The following TTC27 variants were observed in gnomAD, a reference collection of about 807,000 sequenced individuals.
TTC27 encodes the protein tetratricopeptide repeat domain 27.
In TTC27, 79 loss-of-function variants were observed where a neutral mutation model predicts 115.9. The ratio of observed to expected loss-of-function variants is 0.68; its 90% CI spans 0.57 to 0.82. TTC27 has a LOEUF of 0.82. Ranked by LOEUF, TTC27 falls within the 40% of genes least tolerant of loss-of-function variation. The pLI is 0.00. For missense variants in TTC27, 1,054 were observed against 993.1 expected, an observed-to-expected ratio of 1.06 and a Z score of -0.82; for synonymous variants, 401 against 356.0, an observed-to-expected ratio of 1.13 and a Z score of -1.42.
At chr2:32,716,391 C>T (rs1383537262) in intron 10 of TTC27, among the ~76,000 whole-genome samples, 1 of 152,158 alleles carries the variant, frequency 6.6e-6, no homozygotes, top group African/African-American at 2.4e-5. Context: ...TTAGTTCACT[C>T]AGGAGGATTT....
chr2:32,697,934 A>G (rs1275319191), intron 9 of TTC27, among the ~76,000 whole-genome samples: 1 of 151,842 alleles, frequency 6.6e-6, no homozygotes, highest in Non-Finnish European at 1.5e-5. Context: ...GTTATTTTTA[A>G]TAGAGATGGG....
intron 4 of TTC27, among the ~76,000 whole-genome samples, chr2:32,642,770 C>T (rs1472730510): frequency 1.3e-5 from 2 of 151,128 alleles, no homozygotes; most frequent in Non-Finnish European, 3.0e-5. Context: ...TGGGCTGAAG[C>T]CATCCTCCCA....
At chr2:32,744,504 A>G (rs536898215) in intron 12 of TTC27, among the ~76,000 whole-genome samples, 1 of 152,332 alleles carries the variant, frequency 6.6e-6, no homozygotes, top group African/African-American at 2.4e-5. Context: ...GAAAATATTA[A>G]TGTTCCTAGA....
chr2:32,769,302 A>G (rs117236110), intron 13 of TTC27, among the ~76,000 whole-genome samples: 2 of 152,344 alleles, frequency 1.3e-5, no homozygotes, highest in Non-Finnish European at 2.9e-5. Flanking sequence ...GTTATGTCAC[A>G]TGTAGTGATA....
In TTC27 at chr2:32,817,485, C is replaced by T. The variant is rs955107403; in HGVS notation, c.2337C>T (p.Ser779=). ...CCATAAAATGCAGTAAAAACAAATCCAGTTCCCAAGAAGCTGTACAAATGC... is the reference window on the plus strand; with the variant it reads ...CCATAAAATGCAGTAAAAACAAATCTAGTTCCCAAGAAGCTGTACAAATGC... ...HVAIKCSKNK[S]SSQEAVQMLS... Residue 779 remains serine (S), a synonymous_variant, in exon 19 of 20, where the codon TCC becomes TCT. Coordinates refer to ENST00000317907, the MANE Select transcript of TTC27 (RefSeq NM_017735.5). The T allele has an allele frequency of 4.3e-6, 7 of 1,613,846 alleles. No homozygotes were observed. In the South Asian group the frequency reaches 5.5e-5, roughly 13 times the overall value.
rs116329103 is a variant in TTC27 at position 32,698,392 on chromosome 2, G to A, written c.1120-4415G>A. The stretch of plus-strand genomic sequence containing the variant: ...AGTGATTCTCCCACTTCAGCCTCCC[G>A]AAGTGCTGGGATTACAGTTAAGCCA... On this transcript the variant is annotated intron_variant, in intron 9 of 19. Transcript: ENST00000317907. Among the ~76,000 whole-genome samples the A allele has an allele frequency of 4.3e-3, 649 of 150,582 alleles. 3 individuals are homozygous for A. Among genetic ancestry groups the A allele is most frequent in the African/African-American group, 0.014 (581 of 41,138 alleles).
chr2:32,771,463 T>C lies in TTC27; in HGVS notation c.1681-6419T>C, dbSNP rs17012241. Among the ~76,000 whole-genome samples, 1,093 of 152,298 alleles carry C rather than the reference T, an allele frequency of 7.2e-3. 15 individuals are homozygous for C. Among genetic ancestry groups the C allele is most frequent in the African/African-American group, 0.025 (1,048 of 41,576 alleles). Reference sequence around the variant, plus strand: ...ATTATTTGAAAAGACTCAGCAAATATAAAGACCAGTGGTAACCAAATCTAG... The same window carrying C: ...ATTATTTGAAAAGACTCAGCAAATACAAAGACCAGTGGTAACCAAATCTAG... On this transcript the variant is annotated intron_variant, in intron 13 of 19. Transcript: ENST00000317907.
intron 14 of TTC27, among the ~76,000 whole-genome samples, chr2:32,781,169 G>T (rs373839680): frequency 1.3e-5 from 2 of 152,162 alleles, no homozygotes; most frequent in East Asian, 1.9e-4. Context: ...CTGGTTTCAG[G>T]TTACGACAAG....
intron 13 of TTC27, among the ~76,000 whole-genome samples, chr2:32,762,171 C>T (rs535675138): frequency 8.5e-5 from 13 of 152,172 alleles, no homozygotes; most frequent in Admixed American, 7.2e-4. Flanking sequence ...ATGTTGGAGT[C>T]GGCTTTGAAA....
chr2:32,745,369 A>G (rs1003711931), intron 12 of TTC27, among the ~76,000 whole-genome samples: 1 of 152,148 alleles, frequency 6.6e-6, no homozygotes, highest in Admixed American at 6.5e-5. Flanking sequence ...CAGTGGAAAA[A>G]TACAGTCAAT....
At chr2:32,769,604 G>C (rs545868534) in intron 13 of TTC27, among the ~76,000 whole-genome samples, 1 of 152,180 alleles carries the variant, frequency 6.6e-6, no homozygotes, top group East Asian at 1.9e-4. Flanking sequence ...TAAGGAGAGA[G>C]GGGAGATAAA....
chr2:32,682,397 T>C (rs1666462267), intron 9 of TTC27, among the ~76,000 whole-genome samples: 1 of 152,150 alleles, frequency 6.6e-6, no homozygotes, highest in African/African-American at 2.4e-5. Flanking sequence ...CCAGAGTAGG[T>C]GGAGGCTGGT....
chr2:32,776,964 A>G (rs975326149), intron 13 of TTC27, among the ~76,000 whole-genome samples: 10 of 151,756 alleles, frequency 6.6e-5, no homozygotes, highest in Non-Finnish European at 1.3e-4. Flanking sequence ...TTTTAAGGAA[A>G]TATTATGATG....
chr2:32,682,844 G>GGTTTTTTTTT (rs1553550061), intron 9 of TTC27, among the ~76,000 whole-genome samples: 1 of 56,988 alleles, frequency 1.8e-5, no homozygotes, highest in Non-Finnish European at 3.0e-5. Context: ...AATTTTTATT[G>GGTTTTTTTTT]TTGTTTTTTT....
chr2:32,723,556 A>G (rs73922792), intron 10 of TTC27, among the ~76,000 whole-genome samples: 28,497 of 152,084 alleles, frequency 0.19, 3,189 homozygotes, highest in South Asian at 0.37. Flanking sequence ...GATGAATGCT[A>G]GCAGGAACCT....
chr2:32,631,361 G>T (rs1332225299), intron 2 of TTC27, among the ~76,000 whole-genome samples: 1 of 152,096 alleles, frequency 6.6e-6, no homozygotes, highest in Non-Finnish European at 1.5e-5. Context: ...GCATAGCTGA[G>T]TGCTAATTTG....
At chr2:32,697,862 A>G (rs1667045887) in intron 9 of TTC27, among the ~76,000 whole-genome samples, 1 of 151,916 alleles carries the variant, frequency 6.6e-6, no homozygotes, top group African/African-American at 2.4e-5. Context: ...AACGATTCTC[A>G]TACCTCAGCC....
chr2:32,696,398 T>G (rs2151897639), intron 9 of TTC27, among the ~76,000 whole-genome samples: 1 of 151,974 alleles, frequency 6.6e-6, no homozygotes, highest in Non-Finnish European at 1.5e-5. Context: ...CAAGCACTTC[T>G]CCTACCTCAG....
At chr2:32,689,322 C>T (rs1481141887) in intron 9 of TTC27, among the ~76,000 whole-genome samples, 3 of 152,092 alleles carry the variant, frequency 2.0e-5, no homozygotes, top group African/African-American at 7.2e-5. Context: ...TCATATACTT[C>T]ACTAAAGGGA....
Sources: gnomAD v4.1 joint callset for allele counts (sites outside exome capture counted in the v4.1 genomes callset) on GRCh38, gnomAD v4.1.1 for gene constraint, MANE v1.5 for transcripts, NCBI Gene and HGNC (gene_info 2026-07-23, HGNC 2026-07-21) for gene names.